ADAMTS2: variants seen among roughly 807,000 people sequenced by gnomAD.
The protein encoded by ADAMTS2 is ADAM metallopeptidase with thrombospondin type 1 motif 2.
In ADAMTS2, 50 loss-of-function variants were observed where a neutral mutation model predicts 123.0. The ratio of observed to expected loss-of-function variants is 0.41; its 90% CI spans 0.32 to 0.51. The LOEUF (loss-of-function observed/expected upper bound fraction) is 0.51. Among genes scored for constraint, ADAMTS2 ranks in the 20% least tolerant of loss-of-function variants. The probability of loss-of-function intolerance (pLI) is 0.35; values close to 1 mark genes in which losing one functional copy is unlikely to be tolerated. For synonymous variants in ADAMTS2, 678 were observed against 695.4 expected, an observed-to-expected ratio of 0.98 and a Z score of 0.39; for missense variants, 1,494 against 1,705.2, an observed-to-expected ratio of 0.88 and a Z score of 2.18.
chr5:179,272,227 G>A lies in ADAMTS2; in HGVS notation c.688+684C>T, dbSNP rs549858308. On this transcript the variant is annotated intron_variant, in intron 3 of 21. Coordinates refer to ENST00000251582, the MANE Select transcript of ADAMTS2 (RefSeq NM_014244.5). This position sits in a 1 kb window ranked among gnomAD's most constrained non-coding sequence, Gnocchi z 5.8. ...AGGCCAGATCTGAGGCGACAGTCAT[G>A]GACTGTCACCATGGCCGCCTGGCAG... Among the ~76,000 whole-genome samples the A allele has an allele frequency of 6.6e-6, 1 of 152,332 alleles. No homozygotes were observed. Among genetic ancestry groups the A allele is most frequent in the African/African-American group, 2.4e-5 (1 of 41,584 alleles).
At chr5:179,220,124 G>C (rs1158802837) in intron 3 of ADAMTS2, among the ~76,000 whole-genome samples, 1 of 152,256 alleles carries the variant, frequency 6.6e-6, no homozygotes, top group Non-Finnish European at 1.5e-5. Flanking sequence ...CGGGGGCACC[G>C]CAGCACGCGG....
At chr5:179,177,091 C>G (rs1763949819) in intron 5 of ADAMTS2, among the ~76,000 whole-genome samples, 1 of 152,234 alleles carries the variant, frequency 6.6e-6, no homozygotes, top group Admixed American at 6.5e-5. Flanking sequence ...TGGAAGCGGT[C>G]CCCTGAGGAC....
intron 2 of ADAMTS2, among the ~76,000 whole-genome samples, chr5:179,318,060 C>T (rs1221499442): frequency 2.0e-5 from 3 of 152,326 alleles, no homozygotes; most frequent in African/African-American, 4.8e-5. Flanking sequence ...ACCCTGGCCA[C>T]GTCTCTACCC....
chr5:179,259,578 G>C (rs1766159937), intron 3 of ADAMTS2, among the ~76,000 whole-genome samples: 1 of 152,254 alleles, frequency 6.6e-6, no homozygotes, highest in Admixed American at 6.5e-5. Context: ...GGCATCCCCA[G>C]GGCAGAGGCT....
At chr5:179,183,756 G>T (rs1251525219) in intron 4 of ADAMTS2, among the ~76,000 whole-genome samples, 1 of 152,206 alleles carries the variant, frequency 6.6e-6, no homozygotes, top group Non-Finnish European at 1.5e-5. Flanking sequence ...TGCTTGCAAG[G>T]CTACTGCAGA....
At position 179,158,636 on chromosome 5, in the gene ADAMTS2, C is replaced by T; in HGVS notation, c.1132+87G>A. 3.8e-6 allele frequency: 6 copies of T among 1,587,078 alleles called. No homozygotes were observed. Among genetic ancestry groups the T allele is most frequent in the Non-Finnish European group, 5.2e-6 (6 of 1,160,478 alleles). ...CCCTGCCCTGACACTCTTCCCTGGGCTGGGCCAAGGCTCCCGGGGCCCCTT... is the reference window on the plus strand; with the variant it reads ...CCCTGCCCTGACACTCTTCCCTGGGTTGGGCCAAGGCTCCCGGGGCCCCTT... On this transcript the variant is annotated intron_variant, in intron 6 of 21. Transcript: ENST00000251582. The surrounding 1 kb of genome is among the most constrained non-coding windows in gnomAD (Gnocchi z 5.0).
intron 4 of ADAMTS2, among the ~76,000 whole-genome samples, chr5:179,184,509 T>TCAAAAAAAAAAAAAAAAAAAAAAA (rs1290290563): frequency 5.5e-5 from 5 of 91,412 alleles, no homozygotes; most frequent in African/African-American, 1.8e-4. Context: ...AGACTCTGTC[T>TCAAAAAAAAAAAAAAAAAAAAAAA]AAAAAAAAAA....
In ADAMTS2 at chr5:179,303,078, T is replaced by C. The variant is rs528776922; in HGVS notation, c.535-30014A>G. ...CTCTGCTGTGGGGAGGAGATTGGAT[T>C]TTCTCCTCTGTGCAGTGGGCAGCCC... is the stretch of plus-strand genomic sequence containing the variant. On this transcript the variant is annotated intron_variant, in intron 2 of 21. Transcript: ENST00000251582. This position sits in a 1 kb window ranked among gnomAD's most constrained non-coding sequence, Gnocchi z 4.7. Among the ~76,000 whole-genome samples the C allele has an allele frequency of 2.3e-4, 35 of 152,010 alleles. 1 individual carries two copies. The South Asian group carries it at 6.9e-3, about 30-fold the overall frequency.
chr5:179,226,239 CCTTTCTTTCTTTCTTCT>C (rs1182741521), intron 3 of ADAMTS2, among the ~76,000 whole-genome samples: 2 of 139,276 alleles, frequency 1.4e-5, no homozygotes, highest in Non-Finnish European at 3.3e-5. Context: ...TTCCTTCCTT[CCTTTCTTTCTTTCTTCT>C]CTTTCTTCTT....
chr5:179,199,564 GCCAATGTGTTCTT>G (rs1447741108), intron 4 of ADAMTS2, among the ~76,000 whole-genome samples: 1 of 152,208 alleles, frequency 6.6e-6, no homozygotes, highest in Non-Finnish European at 1.5e-5. Flanking sequence ...CCAGGGCACA[GCCAATGTGTTCTT>G]CCAGGGGTGG....
At chr5:179,277,582 CCA>C (rs1337500795) in intron 2 of ADAMTS2, among the ~76,000 whole-genome samples, 3 of 11,746 alleles carry the variant, frequency 2.6e-4, no homozygotes, top group African/African-American at 1.3e-3. Flanking sequence ...GGCTGACCCC[CCA>C]CCCGAGACCA....
Position 179,115,463 on chromosome 5 carries a change from C to T in ADAMTS2, c.3179-1139G>A, listed in dbSNP as rs1476616370. Among the ~76,000 whole-genome samples, 1 of 152,160 alleles carries T rather than the reference C, an allele frequency of 6.6e-6. No homozygotes were observed. Among genetic ancestry groups the T allele is most frequent in the East Asian group, 1.9e-4 (1 of 5,192 alleles). ...ATCACTGACCTCCGTGAGCCCAACA[C>T]CGCCTGTTGTGGTCTCTGCTCAGCT... On this transcript the variant is annotated intron_variant, in intron 21 of 21. Coordinates refer to ENST00000251582, the MANE Select transcript of ADAMTS2 (RefSeq NM_014244.5). The surrounding 1 kb of genome is among the most constrained non-coding windows in gnomAD (Gnocchi z 4.4).
intron 2 of ADAMTS2, among the ~76,000 whole-genome samples, chr5:179,329,326 C>CAAAAAA (rs79153534): frequency 1.2e-5 from 1 of 85,730 alleles, no homozygotes. Flanking sequence ...GACTCCGTCT[C>CAAAAAA]AAAAAAAAAA....
rs4425494 is a variant in ADAMTS2, at chr5:179,299,325, G to T, written c.535-26261C>A. Among the ~76,000 whole-genome samples, 41 of 39,606 alleles carry T rather than the reference G, an allele frequency of 1.0e-3. 1 individual carries two copies. The highest frequency in any genetic ancestry group is 9.1e-3 in the Middle Eastern group (1 of 110). The allele number at this position is 39,606 out of a possible 152,430, so 26.0% of individuals were successfully genotyped here. A position where few individuals can be genotyped will look rare whatever the true frequency, so the allele number is the denominator to read the frequency against. On this transcript the variant is annotated intron_variant, in intron 2 of 21. Coordinates refer to ENST00000251582, the MANE Select transcript of ADAMTS2 (RefSeq NM_014244.5). ...CGGGCGGATCACGAGGTCAGGAGAT[G>T]GAGACCATCCTGGCTAACACGGTGA...
intron 3 of ADAMTS2, among the ~76,000 whole-genome samples, chr5:179,216,699 G>T (rs1764991383): frequency 6.6e-6 from 1 of 152,268 alleles, no homozygotes; most frequent in Admixed American, 6.5e-5. Context: ...CGGGGGCAGT[G>T]CCGCCCTCTC....
intron 3 of ADAMTS2, among the ~76,000 whole-genome samples, chr5:179,250,522 C>T (rs1165571815): frequency 6.6e-6 from 1 of 152,114 alleles, no homozygotes; most frequent in Non-Finnish European, 1.5e-5. Flanking sequence ...CGCTGAACTA[C>T]AGCATATGTG....
chr5:179,183,471 C>T (rs969203159), intron 4 of ADAMTS2, among the ~76,000 whole-genome samples: 1 of 152,228 alleles, frequency 6.6e-6, no homozygotes, highest in Non-Finnish European at 1.5e-5. Flanking sequence ...TGCAAAAGAG[C>T]TTGATCCTGG....
chr5:179,308,597 T>C lies in ADAMTS2; in HGVS notation c.534+35170A>G, dbSNP rs1756740794. On this transcript the variant is annotated intron_variant, in intron 2 of 21. Transcript: ENST00000251582. The surrounding 1 kb of genome is among the most constrained non-coding windows in gnomAD (Gnocchi z 6.6). ...AAAACTTTGGGAGGATCCTTTTTAA[T>C]TGTATTTGCAAAACAGTTTCTCCCA... Among the ~76,000 whole-genome samples, 1 of 152,166 alleles carries C rather than the reference T, an allele frequency of 6.6e-6. No individual in the cohort carries two copies. Among genetic ancestry groups the C allele is most frequent in the Non-Finnish European group, 1.5e-5 (1 of 68,016 alleles).
rs140167371 is a variant in ADAMTS2, at chr5:179,343,776, G to A, written c.525C>T (p.Cys175=). ...AEASSVALSN[C]DGLAGLIRME... is the part of the protein sequence containing the mutation. ...AGAAGTGCGTACTCACCAGCCCATC[G>A]CAGTTGCTGAGCGCCACAGAGGAGG... The change falls in exon 2 of 22, where the codon TGC becomes TGT. Residue 175 remains cysteine, a synonymous_variant. Transcript: ENST00000251582. The A allele has an allele frequency of 5.3e-5, 86 of 1,611,232 alleles. No homozygotes were observed. In the African/African-American group the frequency reaches 9.2e-4, roughly 17 times the overall value.
Sources: allele counts gnomAD v4.1 joint callset (sites outside exome capture counted in the v4.1 genomes callset), GRCh38; gene constraint gnomAD v4.1.1; non-coding constraint Gnocchi (gnomAD v3.1); transcripts MANE v1.5; gene names NCBI Gene and HGNC (gene_info 2026-07-23, HGNC 2026-07-21).